The following TTLL4 variants were observed in gnomAD, a reference collection of about 807,000 sequenced individuals.
TTLL4 encodes tubulin tyrosine ligase like 4.
A neutral mutation model predicts 122.7 loss-of-function variants in TTLL4; 85 were observed. The observed-to-expected ratio is 0.69, with a 90% confidence interval of 0.58 to 0.83. TTLL4 has a LOEUF of 0.83. Among genes scored for constraint, TTLL4 ranks in the 40% least tolerant of loss-of-function variants. The probability of loss-of-function intolerance (pLI) is 0.00; values close to 1 mark genes in which losing one functional copy is unlikely to be tolerated. For synonymous variants in TTLL4, 553 were observed against 563.0 expected, an observed-to-expected ratio of 0.98 and a Z score of 0.25; for missense variants, 1,363 against 1,488.6, an observed-to-expected ratio of 0.92 and a Z score of 1.39.
chr2:218,756,141 G>T (rs1288595089), downstream of TTLL4, among the ~76,000 whole-genome samples: 1 of 152,208 alleles, frequency 6.6e-6, no homozygotes, highest in African/African-American at 2.4e-5. Context: ...AAAATGAGCT[G>T]CCTGCCTGGC....
downstream of TTLL4, among the ~76,000 whole-genome samples, chr2:218,755,997 G>A (rs987971426): frequency 4.6e-5 from 7 of 152,178 alleles, no homozygotes; most frequent in South Asian, 2.1e-4. Flanking sequence ...TTAAAGTCGG[G>A]CCATAATGGG....
Position 218,754,226 on chromosome 2 carries a change from C to A in TTLL4, c.3437C>A (p.Pro1146His), listed in dbSNP as rs1222641663. ...KKTQAGLSPY[P>H]QKPSSSKDSE... ...ACTCAAGCTGGCCTTTCCCCTTATC[C>A]CCAGAAACCCAGTTCCTCAAAGGAC... The change falls in exon 20 of 20, where the codon CCC becomes CAC. Residue 1146 changes from proline (P) to histidine (H), a missense_variant. By Grantham distance (77) the Pro-to-His change is moderately conservative (BLOSUM62 -2). This residue lies in a region of TTLL4 where 596 missense variants were observed against 655.8 expected (regional missense o/e 0.91). Coordinates refer to ENST00000392102, the MANE Select transcript of TTLL4 (RefSeq NM_014640.5). 6.2e-7 allele frequency: 1 copy of A among 1,614,208 alleles called. No individual in the cohort carries two copies. Among genetic ancestry groups the A allele is most frequent in the South Asian group, 1.1e-5 (1 of 91,084 alleles).
chr2:218,739,991 A>T (rs1373437208), intron 3 of TTLL4, 67 bp from the exon 4 acceptor site: 2 of 1,419,156 alleles, frequency 1.4e-6, no homozygotes, highest in East Asian at 4.6e-5. Flanking sequence ...ATGATGAAGG[A>T]ATGAGAATCT....
chr2:218,719,827 G>A (rs1409739655), intron 1 of TTLL4, among the ~76,000 whole-genome samples: 1 of 152,214 alleles, frequency 6.6e-6, no homozygotes, highest in African/African-American at 2.4e-5. Context: ...AAGCAATACA[G>A]CAAAATTAAT....
chr2:218,731,487 C>T (rs866544976), intron 2 of TTLL4, among the ~76,000 whole-genome samples: 6 of 152,078 alleles, frequency 3.9e-5, no homozygotes, highest in Non-Finnish European at 7.3e-5. Flanking sequence ...TGCTTGTCCT[C>T]GCTGAAGTTT....
downstream of TTLL4, among the ~76,000 whole-genome samples, chr2:218,757,685 T>A (rs1179813647): frequency 6.6e-6 from 1 of 152,168 alleles, no homozygotes; most frequent in Admixed American, 6.5e-5. Flanking sequence ...AGTATCCCCC[T>A]GTCACCCTAG....
chr2:218,741,615 CG>C (rs1479325705), intron 5 of TTLL4, among the ~76,000 whole-genome samples: 3 of 152,170 alleles, frequency 2.0e-5, no homozygotes, highest in Non-Finnish European at 2.9e-5. Flanking sequence ...AATCCCATCA[CG>C]GGCACCCTGA....
chr2:218,752,100 G>C (rs1263884819), intron 16 of TTLL4, among the ~76,000 whole-genome samples: 1 of 151,940 alleles, frequency 6.6e-6, no homozygotes, highest in Non-Finnish European at 1.5e-5. Context: ...TAGAGATGGG[G>C]TTTCTCCATG....
intron 8 of TTLL4, 46 bp downstream of exon 8, chr2:218,746,277 G>T (rs755556294): frequency 1.1e-5 from 17 of 1,601,094 alleles, no homozygotes; most frequent in Admixed American, 1.7e-5. Context: ...TTTGGACTAG[G>T]CCAAGAGGAG....
intron 2 of TTLL4, among the ~76,000 whole-genome samples, chr2:218,728,712 GTAGAACATACCTCCTA>G (rs2106411270): frequency 6.6e-6 from 1 of 152,320 alleles, no homozygotes; most frequent in Admixed American, 6.5e-5. Flanking sequence ...CAGGAGACCT[GTAGAACATACCTCCTA>G]TAGAGAGAAG....
rs1440075164 is a variant in TTLL4 at position 218,741,085 on chromosome 2, A to G, written c.1661+501A>G. ...AAGACTTTGTCTCAAAAACAAAACA[A>G]CAACAACAACAACAGTATAATGGGC... On this transcript the variant is annotated intron_variant, in intron 5 of 19. Transcript: ENST00000392102. Among the ~76,000 whole-genome samples, 3 of 151,454 alleles carry G rather than the reference A, an allele frequency of 2.0e-5. No homozygotes were observed. The South Asian group carries it at 6.3e-4, about 32-fold the overall frequency.
chr2:218,740,125 T>C lies in TTLL4; in HGVS notation c.1555T>C (p.Leu519=). 6.2e-7 allele frequency: 1 copy of C among 1,614,162 alleles called. No individual in the cohort carries two copies. Among genetic ancestry groups the C allele is most frequent in the Non-Finnish European group, 8.5e-7 (1 of 1,180,012 alleles). The part of the protein sequence containing the change: ...EDTEEELVDG[L]EDCCSRDENE... ...TACAGAAGAAGAACTAGTAGATGGT[T>C]TGGAAGACTGTTGTAGCCGTGATGA... is the stretch of plus-strand genomic sequence containing the variant. Residue 519 remains leucine, a synonymous_variant, in exon 4 of 20, where the codon TTG becomes CTG. Coordinates refer to ENST00000392102, the MANE Select transcript of TTLL4 (RefSeq NM_014640.5).
intron 5 of TTLL4, among the ~76,000 whole-genome samples, chr2:218,743,473 A>G (rs890340245): frequency 6.6e-6 from 1 of 152,088 alleles, no homozygotes; most frequent in Non-Finnish European, 1.5e-5. Context: ...GGTTGTTTTC[A>G]GGTTTTGGCT....
intron 16 of TTLL4, 136 bp from the exon 17 acceptor site, chr2:218,752,627 C>A: frequency 1.2e-6 from 1 of 844,216 alleles, no homozygotes; most frequent in Non-Finnish European, 1.9e-6. Flanking sequence ...GCCCACTAGG[C>A]TGCCCTCAGT....
intron 1 of TTLL4, among the ~76,000 whole-genome samples, chr2:218,726,023 A>G (rs899629409): frequency 6.6e-6 from 1 of 152,142 alleles, no homozygotes; most frequent in African/African-American, 2.4e-5. Context: ...TATGCCTTCA[A>G]ATGTTTTCTT....
chr2:218,729,757 A>C (rs559629405), intron 2 of TTLL4, among the ~76,000 whole-genome samples: 698 of 111,974 alleles, frequency 6.2e-3, no homozygotes, highest in Non-Finnish European at 9.6e-3. Context: ...TTAAAAAAAA[A>C]AAAAACAAAA....
At chr2:218,751,941 CTTG>C (rs1288162899) in intron 16 of TTLL4, 135 bp downstream of exon 16, 1 of 489,984 alleles carries the variant, frequency 2.0e-6, no homozygotes. Context: ...GAGTTTCACT[CTTG>C]TTGCCCAGGC....
chr2:218,720,641 T>A (rs1041008012), intron 1 of TTLL4, among the ~76,000 whole-genome samples: 4 of 141,052 alleles, frequency 2.8e-5, no homozygotes, highest in Admixed American at 2.2e-4. Context: ...ACCATTGCAC[T>A]CCAGCCTGGG....
Position 218,747,776 on chromosome 2 carries a change from C to G in TTLL4, c.2378+51C>G. ...CTGACAATATTGGGGATTTTATTTT[C>G]CTTGGAGGGAGGGAAACTAGAAGAC... On this transcript the variant is annotated intron_variant, in intron 11 of 19. Transcript: ENST00000392102. This position sits in a 1 kb window ranked among gnomAD's most constrained non-coding sequence, Gnocchi z 4.7. 2 of 1,605,486 alleles carry G rather than the reference C, an allele frequency of 1.2e-6. No individual in the cohort carries two copies. Among genetic ancestry groups the G allele is most frequent in the Non-Finnish European group, 1.7e-6 (2 of 1,174,676 alleles).
Sources: gnomAD v4.1 joint callset for allele counts (sites outside exome capture counted in the v4.1 genomes callset) on GRCh38, gnomAD v4.1.1 for gene constraint, gnomAD v4.1.1 regional missense constraint, Gnocchi (gnomAD v3.1) non-coding constraint, MANE v1.5 for transcripts, NCBI Gene and HGNC (gene_info 2026-07-23, HGNC 2026-07-21) for gene names.